SPAG9: variants seen among roughly 807,000 people sequenced by gnomAD.
SPAG9 encodes the protein C-Jun-amino-terminal kinase-interacting protein 4.
In SPAG9, 35 loss-of-function variants were observed where a neutral mutation model predicts 166.5. The ratio of observed to expected loss-of-function variants is 0.21; its 90% CI spans 0.16 to 0.28. The LOEUF is 0.28. Ranked by LOEUF, SPAG9 falls within the 10% of genes least tolerant of loss-of-function variation. SPAG9 has a pLI of 1.00. For synonymous variants in SPAG9, 534 were observed against 565.5 expected (o/e 0.94, Z 0.79); for missense variants, 1,235 against 1,603.3 (o/e 0.77, Z 3.92).
chr17:51,014,569 T>A (rs1239949055), intron 8 of SPAG9: 5 of 440,466 alleles, frequency 1.1e-5, no homozygotes, highest in Non-Finnish European at 2.0e-5. Context: ...AATGTTTTTG[T>A]TGTGTGATCC....
chr17:51,053,898 T>TAAA (rs1555650803), intron 3 of SPAG9, among the ~76,000 whole-genome samples: 1 of 100,170 alleles, frequency 1.0e-5, no homozygotes, highest in Non-Finnish European at 2.0e-5. Flanking sequence ...TATATATATA[T>TAAA]AAAACATATA....
intron 5 of SPAG9, among the ~76,000 whole-genome samples, chr17:51,035,992 A>G (rs1397369971): frequency 6.6e-6 from 1 of 152,218 alleles, no homozygotes; most frequent in Non-Finnish European, 1.5e-5. Context: ...GCAAAAGACT[A>G]GGAAAAATGA....
chr17:51,099,433 C>CAAAA (rs34069450), intron 1 of SPAG9, among the ~76,000 whole-genome samples: 1 of 75,528 alleles, frequency 1.3e-5, no homozygotes. Flanking sequence ...AACTCTGTCT[C>CAAAA]AAAAAAAAAA....
At chr17:51,085,470 T>C (rs2048281109) in intron 1 of SPAG9, 1 of 152,242 alleles carries the variant, frequency 6.6e-6, no homozygotes, top group South Asian at 2.1e-4. Context: ...AGGCTTTTTA[T>C]CTATATCACT....
chr17:51,025,387 T>C (rs1346752967), intron 6 of SPAG9, among the ~76,000 whole-genome samples: 1 of 107,996 alleles, frequency 9.3e-6, no homozygotes, highest in African/African-American at 3.7e-5. Flanking sequence ...CAATATAAAA[T>C]ATAAAAGTAT....
intron 8 of SPAG9, among the ~76,000 whole-genome samples, chr17:51,017,418 A>C (rs2045745932): frequency 6.6e-6 from 1 of 152,180 alleles, no homozygotes; most frequent in Non-Finnish European, 1.5e-5. Flanking sequence ...CTTTACCCAG[A>C]AAGCTAGTAA....
Position 50,965,945 on chromosome 17 carries a change from C to A in SPAG9, c.*327G>T. 1 of 222,746 alleles carries A rather than the reference C, an allele frequency of 4.5e-6. No individual in the cohort carries two copies. The highest frequency in any genetic ancestry group is 2.2e-5 in the African/African-American group (1 of 45,056). 13.8% of individuals were successfully genotyped at this position (222,746 alleles called of 1,614,324 possible). A position where few individuals can be genotyped will look rare whatever the true frequency, so the allele number is the denominator to read the frequency against. On this transcript the variant is annotated 3_prime_UTR_variant, in exon 30 of 30. Transcript: ENST00000262013. ...TATTAGTGACAGCTAACAAGTGACC[C>A]CATCAAATGAAGTGAATGACATTAG...
At chr17:51,101,651 T>G (rs2048811625) in intron 1 of SPAG9, among the ~76,000 whole-genome samples, 1 of 151,896 alleles carries the variant, frequency 6.6e-6, no homozygotes, top group Non-Finnish European at 1.5e-5. Context: ...GGGATGGAGT[T>G]TCACTATTGT....
Position 51,111,059 on chromosome 17 carries a change from T to G in SPAG9, c.303+9295A>C, listed in dbSNP as rs186923035. On this transcript the variant is annotated intron_variant, in intron 1 of 29. Transcript: ENST00000262013. ...TGAATCCAGGAGGCGGAGGTTGCAGTGAGCCGAGATCCCGCCACTGCACTC... is the reference window on the plus strand; with the variant it reads ...TGAATCCAGGAGGCGGAGGTTGCAGGGAGCCGAGATCCCGCCACTGCACTC... 5.0e-4 allele frequency among the ~76,000 whole-genome samples: 76 copies of G among 151,440 alleles called. 1 individual carries two copies. Among genetic ancestry groups the G allele is most frequent in the African/African-American group, 1.7e-3 (72 of 41,270 alleles).
Position 50,995,110 on chromosome 17 carries a change from T to C in SPAG9, c.2173A>G (p.Lys725Glu). The C allele has an allele frequency of 6.2e-7, 1 of 1,614,124 alleles. No homozygotes were observed. Among genetic ancestry groups the C allele is most frequent in the Non-Finnish European group, 8.5e-7 (1 of 1,179,968 alleles). ...CTACTCTGAGAGGCACTTCGCTGTT[T>C]ACTGCCTTCTGTATCCAAACCAGCA... ...DVAGLDTEGS[K>E]QRSASQSSLD... The change falls in exon 18 of 30, where the codon AAA (lysine) becomes GAA (glutamate). Residue 725 changes from lysine (K) to glutamate (E), a missense_variant. Around this residue, in one of 6 missense-constraint regions of SPAG9, gnomAD observed 493 missense variants for 559.4 expected, o/e 0.88. Coordinates refer to ENST00000262013, the MANE Select transcript of SPAG9 (RefSeq NM_001130528.3).
In SPAG9 at chr17:51,120,337, C is replaced by G; in HGVS notation, c.303+17G>C. Reference sequence around the variant, plus strand: ...CGGAGACGGATCCCGCGGCCCCCGCCCTGCCGCCGGCCTCACCTCCTCAGC... The same window carrying G: ...CGGAGACGGATCCCGCGGCCCCCGCGCTGCCGCCGGCCTCACCTCCTCAGC... On this transcript the variant is annotated intron_variant, in intron 1 of 29. Transcript: ENST00000262013. This position sits in a 1 kb window ranked among gnomAD's most constrained non-coding sequence, Gnocchi z 4.7. 1 of 1,543,200 alleles carries G rather than the reference C, an allele frequency of 6.5e-7. No individual in the cohort carries two copies. Among genetic ancestry groups the G allele is most frequent in the Non-Finnish European group, 8.7e-7 (1 of 1,146,712 alleles).
At chr17:50,968,694 G>A (rs1217878964) in intron 29 of SPAG9, among the ~76,000 whole-genome samples, 4 of 152,050 alleles carry the variant, frequency 2.6e-5, no homozygotes, top group African/African-American at 9.7e-5. Context: ...TTGTGCCACT[G>A]CACTCCAGCC....
chr17:51,078,900 T>A (rs926001060), intron 2 of SPAG9, among the ~76,000 whole-genome samples: 6 of 152,132 alleles, frequency 3.9e-5, no homozygotes, highest in Non-Finnish European at 8.8e-5. Flanking sequence ...TACCTTACAT[T>A]TTTACATTTC....
rs1275732015 is a variant in SPAG9 at position 51,120,312 on chromosome 17, C to G, written c.303+42G>C. On this transcript the variant is annotated intron_variant, in intron 1 of 29. Transcript: ENST00000262013. This position sits in a 1 kb window ranked among gnomAD's most constrained non-coding sequence, Gnocchi z 4.7. ...GCCGCGACCCCGCCCCGGCCGCCCC[C>G]GGAGACGGATCCCGCGGCCCCCGCC... 2 of 1,484,166 alleles carry G rather than the reference C, an allele frequency of 1.3e-6. No homozygotes were observed. Among genetic ancestry groups the G allele is most frequent in the South Asian group, 1.3e-5 (1 of 77,534 alleles). 91.9% of individuals were successfully genotyped at this position (1,484,166 alleles called of 1,614,324 possible).
intron 5 of SPAG9, among the ~76,000 whole-genome samples, chr17:51,037,754 C>T (rs536428206): frequency 1.4e-4 from 19 of 137,504 alleles, no homozygotes; most frequent in Non-Finnish European, 2.5e-4. Context: ...GAAAAAGAGA[C>T]GGAGTCCCAC....
At chr17:51,106,931 G>A (rs1234574821) in intron 1 of SPAG9, among the ~76,000 whole-genome samples, 3 of 151,038 alleles carry the variant, frequency 2.0e-5, no homozygotes, top group South Asian at 2.1e-4. Context: ...GTGAAACCCC[G>A]TCTCTACTAA....
intron 22 of SPAG9, among the ~76,000 whole-genome samples, chr17:50,986,325 C>T (rs894049274): frequency 1.3e-5 from 2 of 152,212 alleles, no homozygotes; most frequent in East Asian, 3.8e-4. Flanking sequence ...GAGAGTTACA[C>T]TAAGTTTGCC....
intron 6 of SPAG9, among the ~76,000 whole-genome samples, chr17:51,026,674 CTTTTTTT>C (rs35339612): frequency 2.4e-5 from 3 of 124,224 alleles, no homozygotes; most frequent in Admixed American, 8.8e-5. Context: ...TTTTTCTTTT[CTTTTTTT>C]TTTTTTTTTT....
chr17:51,019,312 C>T (rs1053357058), intron 8 of SPAG9, among the ~76,000 whole-genome samples: 1 of 152,202 alleles, frequency 6.6e-6, no homozygotes, highest in Admixed American at 6.5e-5. Context: ...AATCTCAGCA[C>T]TTTGGGAGGC....
Sources: allele counts gnomAD v4.1 joint callset (sites outside exome capture counted in the v4.1 genomes callset), GRCh38; gene constraint gnomAD v4.1.1; regional missense constraint gnomAD v4.1.1; non-coding constraint Gnocchi (gnomAD v3.1); transcripts MANE v1.5; gene names NCBI Gene and HGNC (gene_info 2026-07-23, HGNC 2026-07-21).